Variants in XPR1 observed in about 807,000 individuals in gnomAD.
XPR1 encodes the protein solute carrier family 53 member 1.
XPR1 carries 28 observed loss-of-function variants against 87.5 expected under a neutral mutation model. The observed-to-expected ratio is 0.32, with a 90% CI of 0.24 to 0.44. The LOEUF (loss-of-function observed/expected upper bound fraction) is 0.44, where lower values mean the gene tolerates loss of function less well. Among genes scored for constraint, XPR1 ranks in the 20% least tolerant of loss-of-function variants. XPR1 has a pLI of 1.00. For synonymous variants in XPR1, 300 were observed against 306.1 expected (o/e 0.98, Z 0.21); for missense variants, 559 against 862.3 (o/e 0.65, Z 4.41).
chr1:180,880,402 T>C, intron 14 of XPR1, 105 bp downstream of exon 14: 1 of 1,267,008 alleles, frequency 7.9e-7, no homozygotes, highest in Non-Finnish European at 1.1e-6. Context: ...AAATTGCCAA[T>C]ACTCAGCCAT....
chr1:180,735,788 T>C (rs1658709269), intron 2 of XPR1, among the ~76,000 whole-genome samples: 1 of 152,244 alleles, frequency 6.6e-6, no homozygotes, highest in Non-Finnish European at 1.5e-5. Context: ...ATCCACGTTA[T>C]AGTAAAAATA....
chr1:180,668,197 C>T (rs1656029755), intron 1 of XPR1, among the ~76,000 whole-genome samples: 1 of 137,582 alleles, frequency 7.3e-6, no homozygotes, highest in Admixed American at 7.9e-5. Flanking sequence ...GGTGTGATCT[C>T]AGTCAATTGC....
At chr1:180,717,362 CTG>C (rs767984040) in intron 2 of XPR1, among the ~76,000 whole-genome samples, 36 of 152,186 alleles carry the variant, frequency 2.4e-4, no homozygotes, top group Middle Eastern at 3.4e-3. Flanking sequence ...TTTAAGAAGA[CTG>C]TTTTTTAAAA....
At chr1:180,726,767 G>A (rs1436345916) in intron 2 of XPR1, among the ~76,000 whole-genome samples, 1 of 152,208 alleles carries the variant, frequency 6.6e-6, no homozygotes, top group Non-Finnish European at 1.5e-5. Context: ...ATTTTGGAGG[G>A]AGGTAGAGGG....
intron 1 of XPR1, among the ~76,000 whole-genome samples, chr1:180,653,965 G>C (rs1655370603): frequency 6.6e-6 from 1 of 152,112 alleles, no homozygotes; most frequent in Non-Finnish European, 1.5e-5. Context: ...TTGACCATGG[G>C]TAACTGAAAC....
intron 2 of XPR1, among the ~76,000 whole-genome samples, chr1:180,694,185 C>G (rs560506939): frequency 7.2e-5 from 11 of 152,288 alleles, no homozygotes; most frequent in African/African-American, 2.4e-4. Context: ...ATCTTGAACT[C>G]CTGGGGTCAA....
chr1:180,651,542 C>T (rs922372473), intron 1 of XPR1, among the ~76,000 whole-genome samples: 1 of 152,178 alleles, frequency 6.6e-6, no homozygotes, highest in African/African-American at 2.4e-5. Context: ...GGTTTTCTTT[C>T]TTAATGGTAC....
chr1:180,659,288 A>G (rs1203790721), intron 1 of XPR1, among the ~76,000 whole-genome samples: 1 of 104,318 alleles, frequency 9.6e-6, no homozygotes, highest in Admixed American at 1.4e-4. Context: ...CTTCTTTCCC[A>G]TCAGTGTTCA....
intron 1 of XPR1, among the ~76,000 whole-genome samples, chr1:180,673,625 G>A (rs1446328492): frequency 3.3e-5 from 5 of 152,192 alleles, no homozygotes; most frequent in East Asian, 3.8e-4. Flanking sequence ...CAGCAACGGC[G>A]TTAGATTCTC....
chr1:180,762,873 AAGCTTGC>A (rs1455314692), intron 2 of XPR1, among the ~76,000 whole-genome samples: 1 of 148,518 alleles, frequency 6.7e-6, no homozygotes, highest in Non-Finnish European at 1.5e-5. Flanking sequence ...TGATAGTAAA[AAGCTTGC>A]ATCTTTACAC....
intron 2 of XPR1, among the ~76,000 whole-genome samples, chr1:180,733,475 G>C (rs117731409): frequency 6.6e-6 from 1 of 152,320 alleles, no homozygotes; most frequent in East Asian, 1.9e-4. Context: ...GGTAGATACA[G>C]AGGGTAAAAA....
intron 11 of XPR1, among the ~76,000 whole-genome samples, chr1:180,855,762 A>G (rs1652008659): frequency 6.6e-6 from 1 of 151,980 alleles, no homozygotes; most frequent in Admixed American, 6.6e-5. Flanking sequence ...ATTCTTACAG[A>G]CCACCTTGTC....
At chr1:180,686,488 G>C (rs145708463) in intron 2 of XPR1, among the ~76,000 whole-genome samples, 2 of 152,148 alleles carry the variant, frequency 1.3e-5, no homozygotes, top group Admixed American at 6.5e-5. Context: ...GAGTTCTGTA[G>C]ATGTCTATTA....
At chr1:180,659,361 GTCCTTCCGTCCGTCCTTCCGTCCTTCCT>G (rs1655671887) in intron 1 of XPR1, among the ~76,000 whole-genome samples, 1 of 90,092 alleles carries the variant, frequency 1.1e-5, no homozygotes, top group Non-Finnish European at 2.2e-5. Flanking sequence ...CCGTCCTTCC[GTCCTTCCGTCCGTCCTTCCGTCCTTCCT>G]TCCTTCCTTC....
intron 2 of XPR1, among the ~76,000 whole-genome samples, chr1:180,714,618 TG>T (rs1398330289): frequency 6.6e-6 from 1 of 152,142 alleles, no homozygotes; most frequent in Non-Finnish European, 1.5e-5. Flanking sequence ...TTGCCCAGCC[TG>T]GTCTTGAACT....
chr1:180,668,125 T>TC (rs1175014273), intron 1 of XPR1, among the ~76,000 whole-genome samples: 3 of 103,258 alleles, frequency 2.9e-5, no homozygotes, highest in Admixed American at 8.9e-5. Flanking sequence ...CCCTCTATCT[T>TC]TTTTTTTTTT....
At chr1:180,633,079 A>G (rs1406135435) in intron 1 of XPR1, among the ~76,000 whole-genome samples, 2 of 152,196 alleles carry the variant, frequency 1.3e-5, no homozygotes, top group African/African-American at 4.8e-5. Context: ...TATATTGTAA[A>G]CAATATACCT....
In XPR1 at chr1:180,880,276, G is replaced by T; in HGVS notation, c.2009G>T (p.Arg670Leu). 1 of 1,614,128 alleles carries T rather than the reference G, an allele frequency of 6.2e-7. No homozygotes were observed. The highest frequency in any genetic ancestry group is 8.5e-7 in the Non-Finnish European group (1 of 1,180,028). Residue 670 changes from arginine to leucine, a missense_variant, in exon 14 of 15, where the codon CGC (arginine) becomes CTC (leucine). This residue lies in a region of XPR1 where 80 missense variants were observed against 99.5 expected (regional missense o/e 0.80). Transcript: ENST00000367590. ...SWKYNQSISL[R>L]RPRLASQSKA... ...AAGTACAACCAGAGCATATCCCTGC[G>T]CCGGCCTCGCCTCGCTTCTCAGTAT...
chr1:180,644,051 T>G (rs1359647094), intron 1 of XPR1, among the ~76,000 whole-genome samples: 3 of 152,178 alleles, frequency 2.0e-5, no homozygotes, highest in Non-Finnish European at 4.4e-5. Context: ...TGAATGATAT[T>G]AAGCTCACAT....
Sources: gnomAD v4.1 joint callset for allele counts (sites outside exome capture counted in the v4.1 genomes callset) on GRCh38, gnomAD v4.1.1 for gene constraint, gnomAD v4.1.1 regional missense constraint, MANE v1.5 for transcripts, NCBI Gene and HGNC (gene_info 2026-07-23, HGNC 2026-07-21) for gene names.